Variants in TBC1D22A observed in about 807,000 individuals in gnomAD.
TBC1D22A encodes putative GTPase activator.
A neutral mutation model predicts 60.2 loss-of-function variants in TBC1D22A; 38 were observed. That is an observed-to-expected ratio of 0.63 (90% confidence interval 0.49 to 0.83). TBC1D22A has a LOEUF of 0.83. Ranked by LOEUF, TBC1D22A falls within the 40% of genes least tolerant of loss-of-function variation. TBC1D22A has a pLI of 0.00. For missense variants in TBC1D22A, 628 were observed against 701.0 expected (o/e 0.90, Z 1.18); for synonymous variants, 302 against 281.7 (o/e 1.07, Z -0.72).
chr22:46,986,962 C>T (rs548013272), intron 9 of TBC1D22A, among the ~76,000 whole-genome samples: 30 of 152,272 alleles, frequency 2.0e-4, no homozygotes, highest in African/African-American at 7.0e-4. Context: ...CCTGGGCCTA[C>T]GTGACTCTAA....
chr22:47,024,042 G>A (rs74560453), intron 10 of TBC1D22A, among the ~76,000 whole-genome samples: 1,708 of 152,312 alleles, frequency 0.011, 19 homozygotes, highest in Admixed American at 0.021. Context: ...GCCGCGGTGC[G>A]ATGAAGATGA....
rs952972862 is a variant in TBC1D22A, at chr22:46,915,669, C to G, written c.1015+3481C>G. 15 of 456,566 alleles carry G rather than the reference C, an allele frequency of 3.3e-5. No individual in the cohort carries two copies. The Admixed American group carries it at 3.3e-4, about 10-fold the overall frequency. The allele number at this position is 456,566 out of a possible 1,614,324, so 28.3% of individuals were successfully genotyped here. On this transcript the variant is annotated intron_variant, in intron 8 of 12. Coordinates refer to ENST00000337137, the MANE Select transcript of TBC1D22A (RefSeq NM_014346.5). ...GAAATCCCCGGGGTGTGGGATTTCT[C>G]CAGGGGCTTTCAGGCAACAGCAGAC... is the stretch of plus-strand genomic sequence containing the variant.
intron 12 of TBC1D22A, among the ~76,000 whole-genome samples, chr22:47,157,679 C>T (rs924717082): frequency 2.6e-5 from 4 of 152,188 alleles, no homozygotes; most frequent in South Asian, 2.1e-4. Flanking sequence ...TTCCACAGCT[C>T]GCTGACCCTC....
chr22:47,153,818 C>T (rs753275969), intron 12 of TBC1D22A, among the ~76,000 whole-genome samples: 4 of 152,086 alleles, frequency 2.6e-5, no homozygotes, highest in Admixed American at 2.0e-4. Context: ...CGAGTGCTGT[C>T]GCCAGAGATC....
At chr22:46,963,574 G>GT (rs2073650970) in intron 8 of TBC1D22A, among the ~76,000 whole-genome samples, 1 of 152,262 alleles carries the variant, frequency 6.6e-6, no homozygotes, top group Non-Finnish European at 1.5e-5. Flanking sequence ...AAACCCAAGA[G>GT]ACAGGCCATC....
At chr22:46,915,498 T>G in intron 8 of TBC1D22A, 1 of 456,732 alleles carries the variant, frequency 2.2e-6, no homozygotes, top group African/African-American at 2.0e-5. Flanking sequence ...ACACCTTTGG[T>G]GCAGCTGCCA....
intron 8 of TBC1D22A, among the ~76,000 whole-genome samples, chr22:46,967,237 G>C (rs776918815): frequency 1.2e-4 from 19 of 152,168 alleles, no homozygotes; most frequent in Admixed American, 3.3e-4. Context: ...AGTTGTTTTT[G>C]CTGAACCAAA....
Position 46,948,567 on chromosome 22 carries a change from G to A in TBC1D22A, c.1016-25723G>A, listed in dbSNP as rs149059281. Among the ~76,000 whole-genome samples, 13 of 152,344 alleles carry A rather than the reference G, an allele frequency of 8.5e-5. No individual in the cohort carries two copies. In the East Asian group the frequency reaches 2.5e-3, roughly 29 times the overall value. ...TGTGTATTGGTCGATAACCCTTTGA[G>A]TCTCTGGAGTTGGTCTCTCTGTGTT... On this transcript the variant is annotated intron_variant, in intron 8 of 12. Transcript: ENST00000337137.
chr22:46,765,440 GTT>G (rs1405352685), intron 1 of TBC1D22A, among the ~76,000 whole-genome samples: 4 of 152,098 alleles, frequency 2.6e-5, no homozygotes, highest in African/African-American at 9.7e-5. Flanking sequence ...TCCCATGATT[GTT>G]TTCTTTCTTT....
At chr22:46,820,767 C>G (rs2085792064) in intron 4 of TBC1D22A, among the ~76,000 whole-genome samples, 1 of 152,240 alleles carries the variant, frequency 6.6e-6, no homozygotes, top group African/African-American at 2.4e-5. Context: ...GAGCTGAGTT[C>G]AAGTCCTGAA....
chr22:46,762,672 C>G lies in TBC1D22A; in HGVS notation c.-115C>G. On this transcript the variant is annotated 5_prime_UTR_variant, in exon 1 of 13. Transcript: ENST00000337137. The stretch of plus-strand genomic sequence containing the variant: ...GGCGGAAGAGCTTCTCGGCTCTAGG[C>G]TCTGGAGTCCCGGGAGCAGTGAGGG... The G allele has an allele frequency of 6.8e-6, 6 of 879,070 alleles. No homozygotes were observed. The highest frequency in any genetic ancestry group is 9.6e-6 in the Non-Finnish European group (6 of 623,432). 54.5% of individuals were successfully genotyped at this position (879,070 alleles called of 1,614,324 possible). A position where few individuals can be genotyped will look rare whatever the true frequency, so the allele number is the denominator to read the frequency against.
chr22:46,858,872 G>A (rs548289532), intron 4 of TBC1D22A, among the ~76,000 whole-genome samples: 3 of 152,314 alleles, frequency 2.0e-5, no homozygotes, highest in Admixed American at 2.0e-4. Context: ...TTCTATGTGT[G>A]TTGCACATGA....
intron 4 of TBC1D22A, among the ~76,000 whole-genome samples, chr22:46,840,866 T>A (rs2086727436): frequency 6.6e-6 from 1 of 152,098 alleles, no homozygotes; most frequent in Non-Finnish European, 1.5e-5. Flanking sequence ...CCTCAAAAAA[T>A]TTAACACAGA....
At chr22:46,958,244 C>G (rs1350277811) in intron 8 of TBC1D22A, among the ~76,000 whole-genome samples, 1 of 152,266 alleles carries the variant, frequency 6.6e-6, no homozygotes, top group East Asian at 1.9e-4. Context: ...GTTTATTGAT[C>G]AGGTCCATTC....
chr22:47,037,481 A>G (rs1254824050), intron 11 of TBC1D22A, among the ~76,000 whole-genome samples: 2 of 152,068 alleles, frequency 1.3e-5, no homozygotes, highest in African/African-American at 2.4e-5. Context: ...AAACAGAAAA[A>G]ATTAGCCAAG....
intron 1 of TBC1D22A, among the ~76,000 whole-genome samples, chr22:46,776,627 C>T (rs1423760412): frequency 6.6e-6 from 1 of 151,718 alleles, no homozygotes; most frequent in Non-Finnish European, 1.5e-5. Context: ...AAGGAACTGG[C>T]CTGAGATTGC....
At chr22:46,788,834 C>A (rs905987487) in intron 1 of TBC1D22A, 2 of 152,128 alleles carry the variant, frequency 1.3e-5, no homozygotes, top group African/African-American at 4.8e-5. Flanking sequence ...TCATAACAAA[C>A]CCTTCAAGGG....
intron 6 of TBC1D22A, among the ~76,000 whole-genome samples, chr22:46,893,985 G>C (rs545688306): frequency 4.6e-5 from 7 of 152,364 alleles, no homozygotes; most frequent in Admixed American, 6.5e-5. Flanking sequence ...TGATGTCCCA[G>C]CCTCCTGGGT....
intron 8 of TBC1D22A, among the ~76,000 whole-genome samples, chr22:46,961,403 T>C (rs1297906215): frequency 6.6e-6 from 1 of 152,222 alleles, no homozygotes; most frequent in Non-Finnish European, 1.5e-5. Flanking sequence ...CCTTAGCTCA[T>C]AGTGCATTTC....
Sources: gnomAD v4.1 joint callset for allele counts (sites outside exome capture counted in the v4.1 genomes callset) on GRCh38, gnomAD v4.1.1 for gene constraint, MANE v1.5 for transcripts, NCBI Gene and HGNC (gene_info 2026-07-23, HGNC 2026-07-21) for gene names.